The following RAD51C variants were observed in gnomAD, a reference collection of about 807,000 sequenced individuals.
RAD51C encodes DNA repair protein RAD51 homolog 3.
RAD51C carries 42 observed loss-of-function variants against 45.0 expected under a neutral mutation model. The observed-to-expected ratio is 0.93, with a 90% CI of 0.73 to 1.21. The LOEUF (loss-of-function observed/expected upper bound fraction) is 1.21. Among genes scored for constraint, RAD51C ranks in the 50% most tolerant of loss-of-function variants. RAD51C has a pLI of 0.00. For missense variants in RAD51C, 474 were observed against 452.2 expected, an observed-to-expected ratio of 1.05 and a Z score of -0.44; for synonymous variants, 172 against 159.8, an observed-to-expected ratio of 1.08 and a Z score of -0.58.
Position 58,709,706 on chromosome 17 carries a change from A to G in RAD51C, c.706-153A>G, listed in dbSNP as rs1009785714. On this transcript the variant is annotated intron_variant, in intron 4 of 8. Coordinates refer to ENST00000337432, the MANE Select transcript of RAD51C (RefSeq NM_058216.3). The stretch of plus-strand genomic sequence containing the variant: ...ACACCTCCTTTCCTATATGCTATTT[A>G]CTGTTCCAGGCATTGGGGATGATAT... 1.9e-5 allele frequency: 13 copies of G among 669,888 alleles called. No individual in the cohort carries two copies. In the Admixed American group the frequency reaches 2.0e-4, roughly 10 times the overall value. The allele number at this position is 669,888 out of a possible 1,614,324, so 41.5% of individuals were successfully genotyped here.
chr17:58,697,904 G>T (rs141542011), intron 3 of RAD51C, among the ~76,000 whole-genome samples: 2,190 of 151,958 alleles, frequency 0.014, 25 homozygotes, highest in Non-Finnish European at 0.024. Flanking sequence ...TACAGACAGG[G>T]TTTCTCCATG....
intron 4 of RAD51C, among the ~76,000 whole-genome samples, chr17:58,707,678 C>T (rs1227399050): frequency 6.6e-6 from 1 of 152,184 alleles, no homozygotes; most frequent in African/African-American, 2.4e-5. Context: ...CACTACCTAA[C>T]CCACCATACC....
At chr17:58,714,027 C>T (rs2048647696) in intron 5 of RAD51C, among the ~76,000 whole-genome samples, 1 of 151,704 alleles carries the variant, frequency 6.6e-6, no homozygotes, top group Admixed American at 6.6e-5. Flanking sequence ...CTCTCTCACC[C>T]AGGTTGGAGT....
chr17:58,710,295 C>T (rs2048511903), intron 5 of RAD51C, among the ~76,000 whole-genome samples: 1 of 114,290 alleles, frequency 8.7e-6, no homozygotes, highest in Non-Finnish European at 1.7e-5. Context: ...CCCTCGCCAA[C>T]ATGGTGAAAC....
At chr17:58,699,916 C>T (rs2048153522) in intron 3 of RAD51C, 1 of 152,102 alleles carries the variant, frequency 6.6e-6, no homozygotes, top group Non-Finnish European at 1.5e-5. Flanking sequence ...GTGGCGCAAT[C>T]TTGGCTTACT....
chr17:58,693,309 TC>T (rs2047859339), intron 1 of RAD51C: 5 of 167,342 alleles, frequency 3.0e-5, no homozygotes, highest in Admixed American at 2.8e-4. Flanking sequence ...AAGAATATTC[TC>T]TTACGTAATT....
chr17:58,723,704 CA>C (rs879528364), intron 6 of RAD51C, among the ~76,000 whole-genome samples: 2,320 of 132,706 alleles, frequency 0.017, 37 homozygotes, highest in African/African-American at 0.045. Flanking sequence ...CTGTTGATGT[CA>C]AAAAAAAAAA....
intron 5 of RAD51C, among the ~76,000 whole-genome samples, chr17:58,710,574 A>C (rs1024300798): frequency 1.3e-5 from 2 of 151,310 alleles, no homozygotes; most frequent in African/African-American, 2.4e-5. Flanking sequence ...CTTTGTTTAA[A>C]TATACTTTGG....
intron 7 of RAD51C, among the ~76,000 whole-genome samples, chr17:58,730,544 G>A (rs1393473592): frequency 6.6e-6 from 1 of 152,026 alleles, no homozygotes; most frequent in Non-Finnish European, 1.5e-5. Flanking sequence ...CAATTACAGA[G>A]TATAGAACAT....
At chr17:58,728,405 T>TC (rs2049259359) in intron 7 of RAD51C, among the ~76,000 whole-genome samples, 10 of 54,602 alleles carry the variant, frequency 1.8e-4, no homozygotes, top group Admixed American at 2.8e-4. Flanking sequence ...TTTTTTTTTC[T>TC]TTTTTTTTTT....
At chr17:58,708,618 A>T (rs963370079) in intron 4 of RAD51C, among the ~76,000 whole-genome samples, 12 of 151,688 alleles carry the variant, frequency 7.9e-5, no homozygotes, top group African/African-American at 2.9e-4. Context: ...CATTTGGGTT[A>T]GTTTCCAGAT....
At chr17:58,697,100 T>C (rs1456348358) in intron 3 of RAD51C, among the ~76,000 whole-genome samples, 1 of 152,188 alleles carries the variant, frequency 6.6e-6, no homozygotes, top group South Asian at 2.1e-4. Flanking sequence ...ACAAAACCTA[T>C]GTATGTATTT....
In RAD51C at chr17:58,710,500, CA is replaced by C. The variant is rs11421621; in HGVS notation, c.837+525del. Among the ~76,000 whole-genome samples the C allele has an allele frequency of 8.9e-3, 774 of 86,892 alleles. 4 individuals are homozygous for C. Among genetic ancestry groups the C allele is most frequent in the African/African-American group, 0.018 (474 of 25,998 alleles). The allele number at this position is 86,892 out of a possible 152,430, so 57.0% of individuals were successfully genotyped here. ...GCAGCAGCAAGACTCCGTCTCAAGG[CA>C]AAAAAAAAAAAAAAGGACTTTGTTT... On this transcript the variant is annotated intron_variant, in intron 5 of 8. Coordinates refer to ENST00000337432, the MANE Select transcript of RAD51C (RefSeq NM_058216.3).
chr17:58,693,694 T>C (rs2047885563), intron 1 of RAD51C: 1 of 152,184 alleles, frequency 6.6e-6, no homozygotes, highest in African/African-American at 2.4e-5. Flanking sequence ...TATTGACTAC[T>C]TTAGATGGTC....
At position 58,721,536 on chromosome 17, in the gene RAD51C, G is replaced by A. The variant is rs568371797; in HGVS notation, c.904+724G>A. On this transcript the variant is annotated intron_variant, in intron 6 of 8. Transcript: ENST00000337432. Reference sequence around the variant, plus strand: ...GCACTTTGGGAGGCTGAGGCGGGTGGATCACCTGAGGTCGGGAGTTTGAGA... The same window carrying A: ...GCACTTTGGGAGGCTGAGGCGGGTGAATCACCTGAGGTCGGGAGTTTGAGA... Among the ~76,000 whole-genome samples, 8 of 152,072 alleles carry A rather than the reference G, an allele frequency of 5.3e-5. No homozygotes were observed. The South Asian group carries it at 1.5e-3, about 28-fold the overall frequency.
intron 4 of RAD51C, among the ~76,000 whole-genome samples, chr17:58,706,204 A>G (rs62081318): frequency 4.6e-5 from 7 of 151,982 alleles, no homozygotes; most frequent in African/African-American, 7.2e-5. Context: ...TGAGGCAGGC[A>G]GATCACGAAG....
intron 4 of RAD51C, among the ~76,000 whole-genome samples, chr17:58,703,933 C>CTTTTTTTTTTTTTTTT (rs67254535): frequency 1.5e-5 from 1 of 66,480 alleles, no homozygotes; most frequent in Non-Finnish European, 3.1e-5. Context: ...CATGTATCAC[C>CTTTTTTTTTTTTTTTT]TTTTTTTTTT....
chr17:58,732,679 A>G (rs1598535681), intron 8 of RAD51C, 135 bp downstream of exon 8: 5 of 806,986 alleles, frequency 6.2e-6, no homozygotes, highest in Non-Finnish European at 1.1e-5. Context: ...TGCTTAGAAC[A>G]TTGTCCCCAA....
At chr17:58,704,362 T>G (rs935816260) in intron 4 of RAD51C, among the ~76,000 whole-genome samples, 2 of 152,044 alleles carry the variant, frequency 1.3e-5, no homozygotes, top group Admixed American at 6.6e-5. Context: ...AACCTCTGCT[T>G]CCCGGGTTAA....
Sources: gnomAD v4.1 joint callset for allele counts (sites outside exome capture counted in the v4.1 genomes callset) on GRCh38, gnomAD v4.1.1 for gene constraint, MANE v1.5 for transcripts, NCBI Gene and HGNC (gene_info 2026-07-23, HGNC 2026-07-21) for gene names.